The following EPS8L2 variants were observed in gnomAD, a reference collection of about 807,000 sequenced individuals.
EPS8L2 encodes epidermal growth factor receptor kinase substrate 8-like protein 2.
In EPS8L2, 81 loss-of-function variants were observed where a neutral mutation model predicts 99.4. That is an observed-to-expected ratio of 0.82 (90% CI 0.68 to 0.98). The LOEUF is 0.98. Ranked by LOEUF, EPS8L2 falls within the 50% of genes least tolerant of loss-of-function variation. EPS8L2 has a pLI of 0.00. For synonymous variants in EPS8L2, 509 were observed against 407.3 expected (o/e 1.25, Z -3.01); for missense variants, 1,155 against 968.8 (o/e 1.19, Z -2.55).
rs796905301 is a variant in EPS8L2 at position 710,636 on chromosome 11, AG to A, written c.165+155del. 11 of 785,836 alleles carry A rather than the reference AG, an allele frequency of 1.4e-5. No homozygotes were observed. The African/African-American group carries it at 1.5e-4, about 11-fold the overall frequency. 48.7% of individuals were successfully genotyped at this position (785,836 alleles called of 1,614,324 possible). A position where few individuals can be genotyped will look rare whatever the true frequency, so the allele number is the denominator to read the frequency against. On this transcript the variant is annotated intron_variant, in intron 4 of 20. Coordinates refer to ENST00000318562, the MANE Select transcript of EPS8L2 (RefSeq NM_022772.4). ...CCCTGCTACTGGGGAGGCTGAGGCGAGGGGGTCACTTGAGCCCGGGAGGCGG... is the reference window on the plus strand; with the variant it reads ...CCCTGCTACTGGGGAGGCTGAGGCGAGGGGTCACTTGAGCCCGGGAGGCGG...
rs536001380 is a variant in EPS8L2, at chr11:721,848, G to A, written c.896-55G>A. The A allele has an allele frequency of 9.7e-4, 1,489 of 1,542,428 alleles. 4 individuals are homozygous for A. The highest frequency in any genetic ancestry group is 1.1e-3 in the Non-Finnish European group (1,305 of 1,135,322). On this transcript the variant is annotated intron_variant, in intron 10 of 20. Transcript: ENST00000318562. The stretch of plus-strand genomic sequence containing the variant: ...AGATGGGCTGCGTGGGACAGAAGGC[G>A]CAGGGGCCGGGGAGATCAGGGCCAG...
Position 709,356 on chromosome 11 carries a change from C to CGGG in EPS8L2, c.-50_-48dup. The CGGG allele has an allele frequency of 1.3e-6, 2 of 1,545,152 alleles. No homozygotes were observed. Among genetic ancestry groups the CGGG allele is most frequent in the Non-Finnish European group, 1.8e-6 (2 of 1,142,588 alleles). On this transcript the variant is annotated 5_prime_UTR_variant, in exon 2 of 21. Transcript: ENST00000318562. Reference sequence around the variant, plus strand: ...TGTGGGACAGGCACTGGCCTCAGACCGGGGCCACACTGAGGTCTGCCCTTC... The same window carrying CGGG: ...TGTGGGACAGGCACTGGCCTCAGACCGGGGGGGCCACACTGAGGTCTGCCCTTC...
intron 4 of EPS8L2, among the ~76,000 whole-genome samples, chr11:719,633 C>T (rs1475543635): frequency 6.6e-6 from 1 of 152,236 alleles, no homozygotes; most frequent in Non-Finnish European, 1.5e-5. Context: ...CAGCACACCA[C>T]GTGCAGCGCG....
chr11:725,094 G>A (rs1257412027), intron 16 of EPS8L2, among the ~76,000 whole-genome samples: 1 of 152,230 alleles, frequency 6.6e-6, no homozygotes, highest in Non-Finnish European at 1.5e-5. Flanking sequence ...GCACCACGTG[G>A]ACTCAGCGGG....
In EPS8L2 at chr11:724,922, A is replaced by G. The variant is rs1197106166; in HGVS notation, c.1560+93A>G. 1.1e-6 allele frequency: 1 copy of G among 935,346 alleles called. No individual in the cohort carries two copies. Among genetic ancestry groups the G allele is most frequent in the Admixed American group, 2.0e-5 (1 of 51,022 alleles). 57.9% of individuals were successfully genotyped at this position (935,346 alleles called of 1,614,324 possible). ...GGGAGGTGGGGAGCGGTCTAGGGCC[A>G]GGCTGGGTGATGCCAGGACGGGGCA... On this transcript the variant is annotated intron_variant, in intron 16 of 20. Transcript: ENST00000318562. This position sits in a 1 kb window ranked among gnomAD's most constrained non-coding sequence, Gnocchi z 5.5.
At chr11:717,995 T>C (rs1210643709) in intron 4 of EPS8L2, among the ~76,000 whole-genome samples, 6 of 132,520 alleles carry the variant, frequency 4.5e-5, no homozygotes, top group Non-Finnish European at 1.6e-5. Context: ...GGCAGCAGAG[T>C]GAGACTCCGT....
At chr11:709,504 C>T in intron 2 of EPS8L2, 49 bp from the exon 3 acceptor site, 2 of 1,610,230 alleles carry the variant, frequency 1.2e-6, no homozygotes, top group South Asian at 1.1e-5. Flanking sequence ...TGAACAGTCC[C>T]CAGGGAGGGG....
Position 724,214 on chromosome 11 carries a change from C to T in EPS8L2, c.1455-510C>T, listed in dbSNP as rs1297661710. ...GCCTGCTACATGCCAAAGCCAGGAC[C>T]CCTCAGCCAGGGCCAGCCCCCCCGC... On this transcript the variant is annotated intron_variant, in intron 15 of 20. Coordinates refer to ENST00000318562, the MANE Select transcript of EPS8L2 (RefSeq NM_022772.4). This position sits in a 1 kb window ranked among gnomAD's most constrained non-coding sequence, Gnocchi z 5.5. 1.3e-5 allele frequency among the ~76,000 whole-genome samples: 2 copies of T among 152,162 alleles called. No individual in the cohort carries two copies. Among genetic ancestry groups the T allele is most frequent in the Non-Finnish European group, 2.9e-5 (2 of 68,016 alleles).
chr11:711,737 A>G (rs1861894722), intron 4 of EPS8L2, among the ~76,000 whole-genome samples: 1 of 152,030 alleles, frequency 6.6e-6, no homozygotes, highest in African/African-American at 2.4e-5. Flanking sequence ...TAATCCCAGC[A>G]CTTTGGGAGG....
intron 4 of EPS8L2, 77 bp downstream of exon 4, chr11:710,563 C>T (rs1861859634): frequency 7.6e-7 from 1 of 1,308,578 alleles, no homozygotes; most frequent in African/African-American, 1.5e-5. Flanking sequence ...TTCTCGTCTC[C>T]ACAAAAAATA....
rs1409242087 is a variant in EPS8L2 at position 721,928 on chromosome 11, G to GC, written c.927dup (p.Ser310LeufsTer2). 3 of 1,595,796 alleles carry GC rather than the reference G, an allele frequency of 1.9e-6. No homozygotes were observed. Among genetic ancestry groups the GC allele is most frequent in the Non-Finnish European group, 2.6e-6 (3 of 1,171,790 alleles). On this transcript the variant is annotated frameshift_variant, in exon 11 of 21. Transcript: ENST00000318562. LOFTEE classifies it high-confidence loss of function. Reference sequence around the variant, plus strand: ...AGGGCGTCCTCACACTGCGGGCACGGCCCCCCTCTGAGGGCGAGTTCATCG... The same window carrying GC: ...AGGGCGTCCTCACACTGCGGGCACGGCCCCCCCTCTGAGGGCGAGTTCATCG...
chr11:709,431 C>T lies in EPS8L2; in HGVS notation c.24C>T (p.Ser8=), dbSNP rs1400704891. ...CCATGAGCCAGTCCGGGGCCGTGAG[C>T]TGCTGCCCGGGTGCCACCAAGTGAG... MSQSGAV[S]CCPGATNGSL... Residue 8 remains serine, a synonymous_variant, in exon 2 of 21, where the codon AGC becomes AGT. Transcript: ENST00000318562. 5 of 1,595,636 alleles carry T rather than the reference C, an allele frequency of 3.1e-6. No individual in the cohort carries two copies. In the South Asian group the frequency reaches 5.7e-5, roughly 18 times the overall value.
chr11:721,707 A>G lies in EPS8L2; in HGVS notation c.895+16A>G. ...GCGCCAGCAGGTGCAGGGGACAGGG[A>G]CGGGGCCGGCAGGTGCAGGGGACGG... is the stretch of plus-strand genomic sequence containing the variant. On this transcript the variant is annotated intron_variant, in intron 10 of 20. Coordinates refer to ENST00000318562, the MANE Select transcript of EPS8L2 (RefSeq NM_022772.4). 6.2e-7 allele frequency: 1 copy of G among 1,600,420 alleles called. No individual in the cohort carries two copies. The highest frequency in any genetic ancestry group is 8.5e-7 in the Non-Finnish European group (1 of 1,172,982).
rs1486489771 is a variant in EPS8L2, at chr11:725,867, T to A, written c.1680+20T>A. The A allele has an allele frequency of 2.2e-6, 3 of 1,344,840 alleles. No individual in the cohort carries two copies. The highest frequency in any genetic ancestry group is 2.9e-6 in the Non-Finnish European group (3 of 1,052,172). The allele number at this position is 1,344,840 out of a possible 1,614,324, so 83.3% of individuals were successfully genotyped here. On this transcript the variant is annotated intron_variant, in intron 17 of 20. Coordinates refer to ENST00000318562, the MANE Select transcript of EPS8L2 (RefSeq NM_022772.4). ...GAGCAGGTGAGCCCGCGGGGGTCCC[T>A]GGGGTCGCAGCCCCCAGCTTCCTGG...
intron 3 of EPS8L2, chr11:709,813 G>C (rs1209099805): frequency 3.3e-6 from 2 of 609,980 alleles, no homozygotes; most frequent in Non-Finnish European, 5.8e-6. Context: ...AAGGGGAGAG[G>C]CCTTTACTAA....
In EPS8L2 at chr11:725,729, T is replaced by C. The variant is rs1862295379; in HGVS notation, c.1562T>C (p.Val521Ala). Residue 521 changes from valine to alanine, a missense_variant and splice_region_variant, in exon 17 of 21, where the codon GTG (valine) becomes GCG (alanine). Coordinates refer to ENST00000318562, the MANE Select transcript of EPS8L2 (RefSeq NM_022772.4). The stretch of plus-strand genomic sequence containing the variant: ...AGGGGCTGACGGCGCGCCCCGCAGG[T>C]GCTGGAGGACGGCCGGCAGTGGTGG... Reference protein sequence around the residue: ...LSVLKDEVLEVLEDGRQWWKL... With the variant: ...LSVLKDEVLEALEDGRQWWKL... The C allele has an allele frequency of 2.3e-6, 3 of 1,319,228 alleles. No individual in the cohort carries two copies. The highest frequency in any genetic ancestry group is 2.9e-6 in the Non-Finnish European group (3 of 1,035,788). The allele number at this position is 1,319,228 out of a possible 1,614,324, so 81.7% of individuals were successfully genotyped here. A position where few individuals can be genotyped will look rare whatever the true frequency, so the allele number is the denominator to read the frequency against.
chr11:717,110 G>A (rs186793453), intron 4 of EPS8L2, among the ~76,000 whole-genome samples: 153 of 152,192 alleles, frequency 1.0e-3, no homozygotes, highest in African/African-American at 2.8e-3. Flanking sequence ...CTGAGTAGCC[G>A]GGGTTACAGG....
rs377236594 is a variant in EPS8L2 at position 724,705 on chromosome 11, C to A, written c.1455-19C>A. The A allele has an allele frequency of 1.9e-6, 3 of 1,592,906 alleles. No homozygotes were observed. Among genetic ancestry groups the A allele is most frequent in the Non-Finnish European group, 2.6e-6 (3 of 1,161,756 alleles). On this transcript the variant is annotated intron_variant, in intron 15 of 20. Coordinates refer to ENST00000318562, the MANE Select transcript of EPS8L2 (RefSeq NM_022772.4). This position sits in a 1 kb window ranked among gnomAD's most constrained non-coding sequence, Gnocchi z 5.5. Reference sequence around the variant, plus strand: ...AGACCCCCACCAGACTGGGCCTCAGCCCCTCCTGTTCCTCACAGGGGCTAC... The same window carrying A: ...AGACCCCCACCAGACTGGGCCTCAGACCCTCCTGTTCCTCACAGGGGCTAC...
chr11:712,894 C>G (rs1466264382), intron 4 of EPS8L2, among the ~76,000 whole-genome samples: 1 of 152,248 alleles, frequency 6.6e-6, no homozygotes, highest in Non-Finnish European at 1.5e-5. Context: ...CACTTTAGTC[C>G]CCTCTTCCTG....
Sources: allele counts gnomAD v4.1 joint callset (sites outside exome capture counted in the v4.1 genomes callset), GRCh38; gene constraint gnomAD v4.1.1; non-coding constraint Gnocchi (gnomAD v3.1); transcripts MANE v1.5; gene names NCBI Gene and HGNC (gene_info 2026-07-23, HGNC 2026-07-21).